Variants in DDAH1 observed in about 807,000 individuals in gnomAD.
DDAH1 encodes the protein dimethylarginine dimethylaminohydrolase 1, also known as N(G),N(G)-dimethylarginine dimethylaminohydrolase 1.
A neutral mutation model predicts 28.8 loss-of-function variants in DDAH1; 19 were observed. The ratio of observed to expected loss-of-function variants is 0.66; its 90% CI spans 0.46 to 0.97. The LOEUF (loss-of-function observed/expected upper bound fraction) is 0.97, where lower values mean the gene tolerates loss of function less well. Ranked by LOEUF, DDAH1 falls within the 50% of genes least tolerant of loss-of-function variation. The pLI is 0.00. For missense variants in DDAH1, 326 were observed against 375.9 expected (o/e 0.87, Z 1.10); for synonymous variants, 153 against 154.4 (o/e 0.99, Z 0.07).
chr1:85,457,747 T>TG (rs1654953836), intron 1 of DDAH1, among the ~76,000 whole-genome samples: 1 of 152,242 alleles, frequency 6.6e-6, no homozygotes, highest in African/African-American at 2.4e-5. Context: ...CGGAGTGCTG[T>TG]GGCGTGATCT....
At chr1:85,543,224 T>C (rs902785341) in intron 1 of DDAH1, among the ~76,000 whole-genome samples, 8 of 152,222 alleles carry the variant, frequency 5.3e-5, no homozygotes, top group Non-Finnish European at 1.2e-4. Flanking sequence ...CAAGAATTAC[T>C]GTTAGTTAAA....
At chr1:85,348,804 T>C (rs986033800) in intron 4 of DDAH1, among the ~76,000 whole-genome samples, 3 of 152,304 alleles carry the variant, frequency 2.0e-5, no homozygotes, top group Non-Finnish European at 2.9e-5. Flanking sequence ...TGTGTTAGTC[T>C]CTCTAGACTA....
intron 1 of DDAH1, chr1:85,575,844 C>T (rs1291695375): frequency 1.3e-5 from 2 of 152,078 alleles, no homozygotes; most frequent in Non-Finnish European, 2.9e-5. Context: ...TCCATGCCTC[C>T]ATTTCTTCAT....
chr1:85,507,123 C>G (rs944184948), intron 1 of DDAH1, among the ~76,000 whole-genome samples: 1 of 152,100 alleles, frequency 6.6e-6, no homozygotes, highest in Non-Finnish European at 1.5e-5. Flanking sequence ...CATACACACA[C>G]AAATATATAT....
Position 85,398,088 on chromosome 1 carries a change from T to C in DDAH1, c.304-39241A>G, listed in dbSNP as rs576573596. 7.9e-5 allele frequency among the ~76,000 whole-genome samples: 12 copies of C among 151,976 alleles called. No individual in the cohort carries two copies. In the South Asian group the frequency reaches 2.3e-3, roughly 29 times the overall value. On this transcript the variant is annotated intron_variant, in intron 1 of 5. Coordinates refer to ENST00000284031, the MANE Select transcript of DDAH1 (RefSeq NM_012137.4). ...AGCATTACAGTGAGTGAGTAAAAAG[T>C]TGTCACTTCCTGGCAGGCCTAGGAA...
intron 1 of DDAH1, among the ~76,000 whole-genome samples, chr1:85,389,522 C>T (rs1217185808): frequency 6.6e-6 from 1 of 152,058 alleles, no homozygotes; most frequent in African/African-American, 2.4e-5. Flanking sequence ...TGTCTCAGAC[C>T]CTGTGCTCAA....
At chr1:85,411,124 C>T (rs973525469) in intron 1 of DDAH1, among the ~76,000 whole-genome samples, 1 of 152,148 alleles carries the variant, frequency 6.6e-6, no homozygotes, top group Admixed American at 6.5e-5. Flanking sequence ...TAGTCTAGCC[C>T]ACAAGTTATC....
intron 4 of DDAH1, among the ~76,000 whole-genome samples, chr1:85,345,165 T>C (rs1337946365): frequency 6.6e-6 from 1 of 152,156 alleles, no homozygotes; most frequent in Non-Finnish European, 1.5e-5. Flanking sequence ...TGCCTCTTGT[T>C]TAACTATGTG....
At chr1:85,361,730 T>G (rs1362805003) in intron 1 of DDAH1, among the ~76,000 whole-genome samples, 1 of 152,206 alleles carries the variant, frequency 6.6e-6, no homozygotes, top group East Asian at 1.9e-4. Flanking sequence ...CCTCATACTA[T>G]TTATCACAGC....
intron 1 of DDAH1, among the ~76,000 whole-genome samples, chr1:85,388,372 T>C (rs150947537): frequency 6.6e-6 from 1 of 152,296 alleles, no homozygotes; most frequent in African/African-American, 2.4e-5. Flanking sequence ...TGAACACCAG[T>C]CTTATAAATA....
chr1:85,504,625 C>T (rs1165983021), intron 1 of DDAH1, among the ~76,000 whole-genome samples: 5 of 152,134 alleles, frequency 3.3e-5, no homozygotes, highest in Non-Finnish European at 7.3e-5. Context: ...CTAAATGAGT[C>T]ATTTAGTCCC....
intron 2 of DDAH1, among the ~76,000 whole-genome samples, chr1:85,487,606 T>C (rs1352023563): frequency 6.6e-6 from 1 of 152,226 alleles, no homozygotes; most frequent in Non-Finnish European, 1.5e-5. Flanking sequence ...AAGTAAATTT[T>C]ATTTATTTAA....
intron 1 of DDAH1, among the ~76,000 whole-genome samples, chr1:85,404,025 A>T (rs1652281996): frequency 6.6e-6 from 1 of 152,228 alleles, no homozygotes; most frequent in Non-Finnish European, 1.5e-5. Flanking sequence ...CTTAAATCAC[A>T]ACTATATTCC....
At chr1:85,368,299 A>C (rs1268573842) in intron 1 of DDAH1, among the ~76,000 whole-genome samples, 1 of 152,204 alleles carries the variant, frequency 6.6e-6, no homozygotes, top group Non-Finnish European at 1.5e-5. Context: ...TAGGAAGATT[A>C]GACAGAAATG....
intron 4 of DDAH1, among the ~76,000 whole-genome samples, chr1:85,341,899 TAAG>T (rs531955043): frequency 2.6e-5 from 4 of 152,202 alleles, no homozygotes; most frequent in African/African-American, 9.6e-5. Flanking sequence ...AATATCACAT[TAAG>T]ATTCTACAGT....
At chr1:85,444,823 G>T (rs1314819421) in intron 1 of DDAH1, among the ~76,000 whole-genome samples, 1 of 151,774 alleles carries the variant, frequency 6.6e-6, no homozygotes, top group Non-Finnish European at 1.5e-5. Context: ...AAAGTAGGGG[G>T]ATTAGTCAGG....
At chr1:85,507,055 A>ATC (rs1657042095) in intron 1 of DDAH1, among the ~76,000 whole-genome samples, 2 of 152,124 alleles carry the variant, frequency 1.3e-5, no homozygotes, top group Admixed American at 1.3e-4. Context: ...TATCTCTACA[A>ATC]TCTCTTCAAT....
intron 1 of DDAH1, among the ~76,000 whole-genome samples, chr1:85,534,662 C>T (rs2254551): frequency 4.0e-5 from 6 of 151,884 alleles, no homozygotes; most frequent in East Asian, 1.9e-4. Flanking sequence ...ATCACAAACA[C>T]GTTCAATAAC....
intron 2 of DDAH1, among the ~76,000 whole-genome samples, chr1:85,358,094 T>C (rs233094): frequency 0.054 from 8,267 of 152,238 alleles, 771 homozygotes; most frequent in African/African-American, 0.19. Context: ...AAACCAGATA[T>C]ACAGTAACAA....
Sources: gnomAD v4.1 joint callset for allele counts (sites outside exome capture counted in the v4.1 genomes callset) on GRCh38, gnomAD v4.1.1 for gene constraint, MANE v1.5 for transcripts, NCBI Gene and HGNC (gene_info 2026-07-23, HGNC 2026-07-21) for gene names.